STIL: variants seen among roughly 807,000 people sequenced by gnomAD.
The protein encoded by STIL is STIL centriolar assembly protein, also known as SCL-interrupting locus protein.
In STIL, 55 loss-of-function variants were observed where a neutral mutation model predicts 110.1. That is an observed-to-expected ratio of 0.50 (90% CI 0.40 to 0.63). The LOEUF (loss-of-function observed/expected upper bound fraction) is 0.63, where lower values mean the gene tolerates loss of function less well. Among genes scored for constraint, STIL ranks in the 20% least tolerant of loss-of-function variants. The pLI is 0.00. For missense variants in STIL, 1,358 were observed against 1,530.0 expected (o/e 0.89, Z 1.87); for synonymous variants, 481 against 530.0 (o/e 0.91, Z 1.27).
At chr1:47,258,941 G>T (rs753826113) in intron 16 of STIL, among the ~76,000 whole-genome samples, 1 of 149,440 alleles carries the variant, frequency 6.7e-6, no homozygotes, top group Non-Finnish European at 1.5e-5. Flanking sequence ...ACTTGAACAT[G>T]CATGGAACAT....
At chr1:47,274,831 C>CA (rs1388848326) in intron 12 of STIL, among the ~76,000 whole-genome samples, 5 of 151,690 alleles carry the variant, frequency 3.3e-5, no homozygotes, top group Non-Finnish European at 5.9e-5. Flanking sequence ...TAGATGCAAA[C>CA]ATATGATACT....
chr1:47,267,797 C>T (rs1195092764), intron 14 of STIL, among the ~76,000 whole-genome samples: 7 of 152,016 alleles, frequency 4.6e-5, no homozygotes, highest in South Asian at 2.1e-4. Flanking sequence ...GCAACCTCCA[C>T]CTCCCAGGTT....
intron 16 of STIL, 82 bp from the exon 17 acceptor site, chr1:47,252,004 C>A (rs755492385): frequency 1.4e-6 from 2 of 1,403,106 alleles, no homozygotes; most frequent in Non-Finnish European, 1.9e-6. Context: ...TCTATACAAG[C>A]AACAAAAGAT....
intron 10 of STIL, 186 bp from the exon 11 acceptor site, chr1:47,282,645 G>A: frequency 7.1e-6 from 4 of 564,350 alleles, no homozygotes; most frequent in Non-Finnish European, 9.5e-6. Context: ...GGACCAGCCA[G>A]CCTTAATAAA....
At chr1:47,262,049 TCA>T (rs1368168645) in intron 15 of STIL, among the ~76,000 whole-genome samples, 2 of 152,216 alleles carry the variant, frequency 1.3e-5, no homozygotes, top group Non-Finnish European at 2.9e-5. Context: ...TTTATGATGT[TCA>T]CAGAGTTAGG....
At chr1:47,278,270 A>G (rs1394780514) in intron 12 of STIL, among the ~76,000 whole-genome samples, 1 of 152,198 alleles carries the variant, frequency 6.6e-6, no homozygotes, top group Non-Finnish European at 1.5e-5. Context: ...GTCTATCATT[A>G]TGATAGAAAC....
chr1:47,259,335 G>C (rs12728400), intron 16 of STIL, among the ~76,000 whole-genome samples: 6 of 111,652 alleles, frequency 5.4e-5, no homozygotes, highest in Non-Finnish European at 8.7e-5. Flanking sequence ...GTCCAGGCTA[G>C]ATAGAGTGCA....
intron 1 of STIL, chr1:47,312,886 C>T (rs1646176241): frequency 6.6e-6 from 1 of 152,198 alleles, no homozygotes. Context: ...ATCCTCACCC[C>T]TTCTTCCATA....
At position 47,263,037 on chromosome 1, in the gene STIL, T is replaced by C. The variant is rs746721902; in HGVS notation, c.2695A>G (p.Met899Val). 6.2e-7 allele frequency: 1 copy of C among 1,614,200 alleles called. No individual in the cohort carries two copies. The highest frequency in any genetic ancestry group is 8.5e-7 in the Non-Finnish European group (1 of 1,180,034). The change falls in exon 15 of 17, where the codon ATG (methionine) becomes GTG (valine). Residue 899 changes from methionine (M) to valine (V), a missense_variant. By Grantham distance (21) the Met-to-Val change is conservative (BLOSUM62 1). Coordinates refer to ENST00000371877, the MANE Select transcript of STIL (RefSeq NM_001048166.1). ...CCTGTTGGTCCAGTCTGTAAACACA[T>C]GCTTACACTTTCTGCCAGCTGGCCA... The part of the protein sequence containing the change: ...PSGQLAESVS[M>V]CLQTGPTGGA...
chr1:47,301,116 G>C (rs1228318690), intron 5 of STIL, among the ~76,000 whole-genome samples: 1 of 151,918 alleles, frequency 6.6e-6, no homozygotes, highest in East Asian at 1.9e-4. Context: ...CTTGAGACAG[G>C]GTCTTGCTCC....
intron 11 of STIL, among the ~76,000 whole-genome samples, 186 bp from the exon 12 acceptor site, chr1:47,281,395 G>A (rs778178539): frequency 9.9e-5 from 15 of 152,246 alleles, no homozygotes; most frequent in African/African-American, 2.4e-4. Context: ...GAATGCAATT[G>A]TAAGCTAAAT....
At chr1:47,302,076 C>T (rs937748032) in intron 4 of STIL, among the ~76,000 whole-genome samples, 158 bp downstream of exon 4, 4 of 152,122 alleles carry the variant, frequency 2.6e-5, no homozygotes, top group African/African-American at 9.7e-5. Flanking sequence ...TGCAGTCATA[C>T]AAGTAATTTA....
intron 2 of STIL, among the ~76,000 whole-genome samples, chr1:47,305,811 C>T (rs1270248835): frequency 2.2e-5 from 3 of 138,750 alleles, no homozygotes; most frequent in South Asian, 2.5e-4. Flanking sequence ...CAGCTCACTG[C>T]AACCTCCGCC....
chr1:47,264,292 A>G (rs1644573032), intron 14 of STIL, among the ~76,000 whole-genome samples: 1 of 152,228 alleles, frequency 6.6e-6, no homozygotes, highest in Non-Finnish European at 1.5e-5. Flanking sequence ...TCCAGTCCTC[A>G]GAACAATGAG....
chr1:47,251,578 G>A lies in STIL; in HGVS notation c.3425C>T (p.Pro1142Leu). 6.2e-7 allele frequency: 1 copy of A among 1,613,816 alleles called. No individual in the cohort carries two copies. Among genetic ancestry groups the A allele is most frequent in the Non-Finnish European group, 8.5e-7 (1 of 1,179,854 alleles). Residue 1142 changes from proline (P) to leucine (L), a missense_variant, in exon 17 of 17, where the codon CCT becomes CTT. Physicochemically the swap from Pro to Leu is moderately conservative, Grantham distance 98 (BLOSUM62 -3). Transcript: ENST00000371877. ...ACTCTTGCTATCTGCATTGTCGGGA[G>A]GTTCCTCTTCATCTTCACTATTGTC... The part of the protein sequence containing the change: ...SSDNSEDEEE[P>L]PDNADSKSEY...
rs753617993 is a variant in STIL at position 47,251,760 on chromosome 1, C to G, written c.3243G>C (p.Leu1081=). Residue 1081 remains leucine (L), a synonymous_variant, in exon 17 of 17, where the codon CTG becomes CTC. Coordinates refer to ENST00000371877, the MANE Select transcript of STIL (RefSeq NM_001048166.1). ...KYLNENQLSQ[L]SVTRSNQNNC... ...TATTTTGGTTCGATCGAGTGACAGA[C>G]AGTTGTGACAGCTGATTTTCATTTA... The G allele has an allele frequency of 1.9e-6, 3 of 1,613,584 alleles. No individual in the cohort carries two copies. The highest frequency in any genetic ancestry group is 1.7e-5 in the Admixed American group (1 of 59,878).
chr1:47,305,082 G>A, intron 2 of STIL, 86 bp from the exon 3 acceptor site: 3 of 891,050 alleles, frequency 3.4e-6, no homozygotes, highest in Non-Finnish European at 5.5e-6. Context: ...TATCTTTAAG[G>A]TGATGGTATT....
Position 47,287,635 on chromosome 1 carries a change from G to A in STIL, c.1049C>T (p.Pro350Leu), listed in dbSNP as rs1382067090. 6.2e-7 allele frequency: 1 copy of A among 1,613,366 alleles called. No homozygotes were observed. Among genetic ancestry groups the A allele is most frequent in the Non-Finnish European group, 8.5e-7 (1 of 1,179,666 alleles). The change falls in exon 10 of 17, where the codon CCA (proline) becomes CTA (leucine). Residue 350 changes from proline (P) to leucine (L), a missense_variant. By Grantham distance (98) the Pro-to-Leu change is moderately conservative (BLOSUM62 -3). Coordinates refer to ENST00000371877, the MANE Select transcript of STIL (RefSeq NM_001048166.1). Reference sequence around the variant, plus strand: ...TTCAGCGCTCAGTTCACAACGGATTGGATTTTTGTCAGGAGGTTCAACATT... The same window carrying A: ...TTCAGCGCTCAGTTCACAACGGATTAGATTTTTGTCAGGAGGTTCAACATT... ...FKNVEPPDKN[P>L]IRCELSAESQ... is the part of the protein sequence containing the mutation.
At chr1:47,273,308 T>A (rs1644894615) in intron 12 of STIL, among the ~76,000 whole-genome samples, 2 of 152,196 alleles carry the variant, frequency 1.3e-5, no homozygotes, top group South Asian at 4.1e-4. Context: ...ACTATCTGAT[T>A]CCAGAACATT....
Sources: gnomAD v4.1 joint callset for allele counts (sites outside exome capture counted in the v4.1 genomes callset) on GRCh38, gnomAD v4.1.1 for gene constraint, MANE v1.5 for transcripts, NCBI Gene and HGNC (gene_info 2026-07-23, HGNC 2026-07-21) for gene names.